The following ERBB4 variants were observed in gnomAD, a reference collection of about 807,000 sequenced individuals.
The protein encoded by ERBB4 is erb-b2 receptor tyrosine kinase 4, also known as receptor tyrosine-protein kinase erbB-4.
ERBB4 carries 42 observed loss-of-function variants against 158.0 expected under a neutral mutation model. The ratio of observed to expected loss-of-function variants is 0.27; its 90% CI spans 0.21 to 0.34. The LOEUF is 0.34. ERBB4 is among the 10% of genes least tolerant of loss of function. The probability of loss-of-function intolerance (pLI) is 1.00; values close to 1 mark genes in which losing one functional copy is unlikely to be tolerated. For missense variants in ERBB4, 1,333 were observed against 1,624.1 expected (o/e 0.82, Z 3.08); for synonymous variants, 583 against 558.7 (o/e 1.04, Z -0.61).
intron 1 of ERBB4, among the ~76,000 whole-genome samples, chr2:212,215,610 T>G (rs1218396199): frequency 6.6e-6 from 1 of 151,392 alleles, no homozygotes; most frequent in Non-Finnish European, 1.5e-5. Flanking sequence ...TATAGTAATT[T>G]TCCATCTTGA....
chr2:211,868,053 A>G (rs561606879), intron 3 of ERBB4, among the ~76,000 whole-genome samples: 38 of 152,366 alleles, frequency 2.5e-4, no homozygotes, highest in Middle Eastern at 3.4e-3. Flanking sequence ...CCAAGACTAT[A>G]TACTGCAGTG....
chr2:211,422,655 T>C (rs763740761), intron 23 of ERBB4, among the ~76,000 whole-genome samples: 30 of 151,930 alleles, frequency 2.0e-4, no homozygotes, highest in African/African-American at 6.5e-4. Context: ...ACCTTATCTC[T>C]ACAGGCTCTG....
chr2:211,781,295 G>A (rs73069363), intron 4 of ERBB4, among the ~76,000 whole-genome samples: 25,884 of 152,140 alleles, frequency 0.17, 2,439 homozygotes, highest in South Asian at 0.36. Context: ...TTTAAAACAT[G>A]GACAGAATGA....
At chr2:211,807,360 T>C (rs1392447598) in intron 3 of ERBB4, among the ~76,000 whole-genome samples, 1 of 152,204 alleles carries the variant, frequency 6.6e-6, no homozygotes, top group Non-Finnish European at 1.5e-5. Context: ...GTTCTCATTG[T>C]TCAGTTCCCA....
rs527575564 is a variant in ERBB4 at position 211,679,282 on chromosome 2, A to G, written c.1490-98T>C. ...CTATTTCTAAAGGAGTTCACTTAAA[A>G]GAGATATATGGCAAATGACTTTGGT... On this transcript the variant is annotated intron_variant, in intron 12 of 27. Transcript: ENST00000342788. The G allele has an allele frequency of 3.3e-5, 46 of 1,387,180 alleles. No homozygotes were observed. In the East Asian group the frequency reaches 1.0e-3, roughly 31 times the overall value. The allele number at this position is 1,387,180 out of a possible 1,614,324, so 85.9% of individuals were successfully genotyped here.
At chr2:211,906,968 G>A (rs2079410089) in intron 3 of ERBB4, among the ~76,000 whole-genome samples, 1 of 151,592 alleles carries the variant, frequency 6.6e-6, no homozygotes, top group African/African-American at 2.4e-5. Flanking sequence ...GCAGTGGTGT[G>A]TACCAGCGCT....
chr2:211,680,700 T>C (rs1434096652), intron 12 of ERBB4, among the ~76,000 whole-genome samples: 1 of 152,202 alleles, frequency 6.6e-6, no homozygotes, highest in Non-Finnish European at 1.5e-5. Context: ...CTTTGTTCTA[T>C]ATCCTGGGGT....
intron 1 of ERBB4, among the ~76,000 whole-genome samples, chr2:212,146,222 C>A (rs1028683108): frequency 5.3e-5 from 8 of 152,276 alleles, no homozygotes; most frequent in Middle Eastern, 3.4e-3. Flanking sequence ...TTAGATTGGG[C>A]TCCTCAATAA....
intron 20 of ERBB4, among the ~76,000 whole-genome samples, chr2:211,431,309 A>G (rs2063744368): frequency 6.6e-6 from 1 of 152,228 alleles, no homozygotes; most frequent in South Asian, 2.1e-4. Context: ...AAGTCCTATG[A>G]GATGAAAGAA....
In ERBB4 at chr2:212,418,625, T is replaced by A. The variant is rs541192968; in HGVS notation, c.82+119824A>T. On this transcript the variant is annotated intron_variant, in intron 1 of 27. Transcript: ENST00000342788. ...AGAACCATTATAAAAACAAAAAAAA[T>A]TAAGGAAAGAAATTAAATACACTTT... 2.5e-3 allele frequency among the ~76,000 whole-genome samples: 378 copies of A among 151,536 alleles called. 1 individual carries two copies. The highest frequency in any genetic ancestry group is 3.1e-3 in the Non-Finnish European group (207 of 67,704).
At position 211,445,281 on chromosome 2, in the gene ERBB4, G is replaced by T. The variant is rs371687748; in HGVS notation, c.2488-14181C>A. Among the ~76,000 whole-genome samples, 35 of 152,208 alleles carry T rather than the reference G, an allele frequency of 2.3e-4. 1 individual carries two copies. Among genetic ancestry groups the T allele is most frequent in the African/African-American group, 8.4e-4 (35 of 41,552 alleles). On this transcript the variant is annotated intron_variant, in intron 20 of 27. Transcript: ENST00000342788. The stretch of plus-strand genomic sequence containing the variant: ...GATCAATTGGGATACTATAATACTA[G>T]TTCCAATAGCAATGGTTTAGTGTTT...
chr2:212,311,418 G>C (rs569783352), intron 1 of ERBB4, among the ~76,000 whole-genome samples: 1 of 150,962 alleles, frequency 6.6e-6, no homozygotes, highest in African/African-American at 2.4e-5. Context: ...CACCCATCCT[G>C]AGTTTTAAAA....
At chr2:212,067,077 A>C (rs79893073) in intron 2 of ERBB4, among the ~76,000 whole-genome samples, 1,815 of 152,172 alleles carry the variant, frequency 0.012, 19 homozygotes, top group Non-Finnish European at 0.02. Context: ...TTTTTCATTA[A>C]AGCTATCTAT....
intron 1 of ERBB4, among the ~76,000 whole-genome samples, chr2:212,396,162 AT>A (rs1389106999): frequency 6.6e-6 from 1 of 152,180 alleles, no homozygotes. Context: ...AGAATGAAAT[AT>A]TTTAGCAATA....
At chr2:211,774,129 A>G (rs2075813184) in intron 4 of ERBB4, among the ~76,000 whole-genome samples, 1 of 149,822 alleles carries the variant, frequency 6.7e-6, no homozygotes, top group African/African-American at 2.5e-5. Context: ...CTGGAGTGCA[A>G]TGGTGTGATC....
At chr2:212,351,707 G>A (rs10192514) in intron 1 of ERBB4, among the ~76,000 whole-genome samples, 20,737 of 152,130 alleles carry the variant, frequency 0.14, 1,505 homozygotes, top group South Asian at 0.23. Flanking sequence ...TTGGCAAGAA[G>A]GTAGTCATTT....
intron 1 of ERBB4, among the ~76,000 whole-genome samples, chr2:212,307,611 A>G (rs754452802): frequency 1.5e-4 from 23 of 151,032 alleles, no homozygotes; most frequent in Non-Finnish European, 2.8e-4. Context: ...TCTACATGAA[A>G]AGCATAGAGA....
rs368192789 is a variant in ERBB4, at chr2:211,405,267, T to C, written c.3135+15174A>G. Among the ~76,000 whole-genome samples the C allele has an allele frequency of 4.6e-5, 7 of 152,220 alleles. No individual in the cohort carries two copies. The East Asian group carries it at 1.4e-3, about 29-fold the overall frequency. On this transcript the variant is annotated intron_variant, in intron 25 of 27. Transcript: ENST00000342788. ...ATCCTCAGTGAATTAAAAGAAAATA[T>C]GAGGAAGCAATTCGAATGTCTTCCG...
At chr2:212,426,261 A>G in intron 1 of ERBB4, 1 of 482,852 alleles carries the variant, frequency 2.1e-6, no homozygotes, top group South Asian at 1.6e-5. Flanking sequence ...TTCCAAATGC[A>G]CACTAAAATA....
Sources: gnomAD v4.1 joint callset for allele counts (sites outside exome capture counted in the v4.1 genomes callset) on GRCh38, gnomAD v4.1.1 for gene constraint, MANE v1.5 for transcripts, NCBI Gene and HGNC (gene_info 2026-07-23, HGNC 2026-07-21) for gene names.